Variants in CLSPN observed in about 807,000 individuals in gnomAD.
The protein encoded by CLSPN is claspin homolog.
Under a neutral mutation model 156.3 loss-of-function variants are expected in CLSPN, and 85 were observed. The ratio of observed to expected loss-of-function variants is 0.54; its 90% CI spans 0.46 to 0.65. The LOEUF is 0.65. CLSPN is among the 30% of genes least tolerant of loss of function. CLSPN has a pLI of 0.00. For synonymous variants in CLSPN, 534 were observed against 542.4 expected, an observed-to-expected ratio of 0.98 and a Z score of 0.22; for missense variants, 1,407 against 1,554.9, an observed-to-expected ratio of 0.90 and a Z score of 1.60.
rs1641422066 is a variant in CLSPN at position 35,735,149 on chromosome 1, A to G, written c.*1347T>C. On this transcript the variant is annotated 3_prime_UTR_variant, in exon 25 of 25. Coordinates refer to ENST00000318121, the MANE Select transcript of CLSPN (RefSeq NM_022111.4). ...GAGATCTTTGAACAACAGTGCTTCA[A>G]ATTGAGAATTCAGTCCCAGGAAGGG... 15 of 985,420 alleles carry G rather than the reference A, an allele frequency of 1.5e-5. No individual in the cohort carries two copies. Among genetic ancestry groups the G allele is most frequent in the Non-Finnish European group, 1.8e-5 (15 of 829,914 alleles). 61.0% of individuals were successfully genotyped at this position (985,420 alleles called of 1,614,324 possible).
rs1462280365 is a variant in CLSPN, at chr1:35,720,887, C to T, written c.*4G>A. 2.5e-6 allele frequency: 4 copies of T among 1,608,136 alleles called. No homozygotes were observed. The Admixed American group carries it at 6.7e-5, about 27-fold the overall frequency. The stretch of plus-strand genomic sequence containing the variant: ...GCCTCTCTTTGGACTCTGTCTCTCC[C>T]AGCTTAACCATGTGGGTCAAATGAA... On this transcript the variant is annotated 3_prime_UTR_variant, in exon 25 of 25. Coordinates refer to the CLSPN transcript ENST00000251195.
chr1:35,743,083 G>A, intron 18 of CLSPN, 58 bp downstream of exon 18: 3 of 1,330,452 alleles, frequency 2.3e-6, no homozygotes, highest in Non-Finnish European at 3.2e-6. Flanking sequence ...CACCATGCCT[G>A]GCCTAGTGAC....
Position 35,764,398 on chromosome 1 carries a change from ACT to A in CLSPN, c.448_449del (p.Ser150PhefsTer7). ...CTTTATCATGTATGTGCTTTTTGGA[ACT>A]CTTTCTGTCAGTGGTAAAGTCTGTA... ...NSTDFTTDRKSSKKHIHDKEG... is the reference protein window; with the variant it reads ...NSTDFTTDRKXSKKHIHDKEG... On this transcript the variant is annotated frameshift_variant, in exon 3 of 25. Transcript: ENST00000318121. LOFTEE classifies it high-confidence loss of function. 1 of 1,613,040 alleles carries A rather than the reference ACT, an allele frequency of 6.2e-7. No individual in the cohort carries two copies. The highest frequency in any genetic ancestry group is 8.5e-7 in the Non-Finnish European group (1 of 1,179,814).
At position 35,735,753 on chromosome 1, in the gene CLSPN, G is replaced by A; in HGVS notation, c.*743C>T. The A allele has an allele frequency of 1.0e-6, 1 of 984,838 alleles. No homozygotes were observed. Among genetic ancestry groups the A allele is most frequent in the Non-Finnish European group, 1.2e-6 (1 of 829,758 alleles). The allele number at this position is 984,838 out of a possible 1,614,324, so 61.0% of individuals were successfully genotyped here. A position where few individuals can be genotyped will look rare whatever the true frequency, so the allele number is the denominator to read the frequency against. ...CTTTCACCGAGCCCTGGTCATCATG[G>A]TACGTATCTCATGGGTGTAAAGGAG... On this transcript the variant is annotated 3_prime_UTR_variant, in exon 25 of 25. Coordinates refer to ENST00000318121, the MANE Select transcript of CLSPN (RefSeq NM_022111.4).
At position 35,764,566 on chromosome 1, in the gene CLSPN, A is replaced by C. The variant is rs746390150; in HGVS notation, c.282T>G (p.Ala94=). ...TCCTTTTGATTTTTGTATTTTTCCC[A>C]GCATATAAATTCTCTTTATTTTCCT... ...AEEENKENLY[A]GKNTKIKRIY... is the part of the protein sequence containing the mutation. Residue 94 remains alanine, a synonymous_variant, in exon 3 of 25, where the codon GCT becomes GCG. Transcript: ENST00000318121. The C allele has an allele frequency of 6.2e-7, 1 of 1,613,898 alleles. No homozygotes were observed. Among genetic ancestry groups the C allele is most frequent in the South Asian group, 1.1e-5 (1 of 91,066 alleles).
At chr1:35,741,102 T>C (rs1248551295) in intron 18 of CLSPN, among the ~76,000 whole-genome samples, 1 of 152,192 alleles carries the variant, frequency 6.6e-6, no homozygotes, top group Non-Finnish European at 1.5e-5. Context: ...CCTATTAGAA[T>C]TATCTTTATA....
intron 23 of CLSPN, 49 bp from the exon 24 acceptor site, chr1:35,737,124 G>C (rs1046539340): frequency 2.5e-6 from 4 of 1,575,734 alleles, no homozygotes; most frequent in Non-Finnish European, 3.5e-6. Flanking sequence ...GCCAACTAAA[G>C]AATGAAAAGT....
intron 9 of CLSPN, among the ~76,000 whole-genome samples, chr1:35,752,459 T>C (rs1642121662): frequency 6.6e-6 from 1 of 151,762 alleles, no homozygotes; most frequent in Non-Finnish European, 1.5e-5. Flanking sequence ...GCACCTGTAA[T>C]CCCAGCTATT....
Position 35,726,152 on chromosome 1 carries a change from C to CAAAAAAAAAAAAAAAAAAA in CLSPN, c.3910-5191_3910-5173dup, listed in dbSNP as rs3041363. On this transcript the variant is annotated intron_variant, in intron 24 of 24. Coordinates refer to the CLSPN transcript ENST00000251195. ...ACACACCCATAGAAACAGATGCAGA[C>CAAAAAAAAAAAAAAAAAAA]AAAAAAAAAAAAAAAAAAAAAAAGC... 6.4e-4 allele frequency among the ~76,000 whole-genome samples: 31 copies of CAAAAAAAAAAAAAAAAAAA among 48,204 alleles called. 10 individuals are homozygous for CAAAAAAAAAAAAAAAAAAA. The highest frequency in any genetic ancestry group is 2.2e-3 in the South Asian group (2 of 896). 31.6% of individuals were successfully genotyped at this position (48,204 alleles called of 152,430 possible).
intron 1 of CLSPN, among the ~76,000 whole-genome samples, chr1:35,765,768 G>T (rs1278898717): frequency 6.6e-6 from 1 of 152,030 alleles, no homozygotes; most frequent in Non-Finnish European, 1.5e-5. Flanking sequence ...CACCAAAAGA[G>T]AAACAACCAG....
chr1:35,745,225 T>C (rs576568496), intron 16 of CLSPN, among the ~76,000 whole-genome samples: 1 of 152,332 alleles, frequency 6.6e-6, no homozygotes, highest in African/African-American at 2.4e-5. Context: ...TGTCTCACTA[T>C]GGTTTTGATT....
chr1:35,764,274 T>G lies in CLSPN; in HGVS notation c.574A>C (p.Lys192Gln). 1 of 1,557,286 alleles carries G rather than the reference T, an allele frequency of 6.4e-7. No individual in the cohort carries two copies. Among genetic ancestry groups the G allele is most frequent in the Non-Finnish European group, 8.6e-7 (1 of 1,156,916 alleles). The change falls in exon 3 of 25, where the codon AAA (lysine) becomes CAA (glutamine). Residue 192 changes from lysine (K) to glutamine (Q), a missense_variant. Transcript: ENST00000318121. ...TATTCTTTAAAATGTACCTGGTTTT[T>G]TGTTTCCTTCTTTTTTAGCTGTCTA... ...KIRQLKKKETKNQEDDVEQPF... is the reference protein window; with the variant it reads ...KIRQLKKKETQNQEDDVEQPF...
At chr1:35,765,353 C>A in intron 1 of CLSPN, 27 bp from the exon 2 acceptor site, 1 of 1,515,474 alleles carries the variant, frequency 6.6e-7, no homozygotes, top group Non-Finnish European at 9.1e-7. Context: ...TACTTTATAT[C>A]AACCAGCAGG....
In CLSPN at chr1:35,746,997, G is replaced by T. The variant is rs367667377; in HGVS notation, c.2628-5C>A. 1.4e-5 allele frequency: 22 copies of T among 1,608,212 alleles called. No homozygotes were observed. Among genetic ancestry groups the T allele is most frequent in the African/African-American group, 2.7e-5 (2 of 74,760 alleles). On this transcript the variant is annotated splice_polypyrimidine_tract_variant and splice_region_variant and intron_variant, in intron 14 of 24. Coordinates refer to ENST00000318121, the MANE Select transcript of CLSPN (RefSeq NM_022111.4). This position sits in a 1 kb window ranked among gnomAD's most constrained non-coding sequence, Gnocchi z 4.2. ...TGGTTTCTAACATTTAAGAACCTAA[G>T]AACCAATGAGCACAACGAATAGTGT...
At chr1:35,753,511 T>G (rs910904308) in intron 9 of CLSPN, among the ~76,000 whole-genome samples, 1 of 150,326 alleles carries the variant, frequency 6.7e-6, no homozygotes, top group Non-Finnish European at 1.5e-5. Flanking sequence ...TATATATTTG[T>G]CTATAATGGG....
At chr1:35,740,180 A>G (rs1369357559) in intron 18 of CLSPN, among the ~76,000 whole-genome samples, 1 of 152,202 alleles carries the variant, frequency 6.6e-6, no homozygotes, top group African/African-American at 2.4e-5. Context: ...TAGAAAGGTA[A>G]TAAACTGGGA....
chr1:35,722,192 C>T (rs1005605016), intron 24 of CLSPN, among the ~76,000 whole-genome samples: 7 of 150,796 alleles, frequency 4.6e-5, no homozygotes, highest in African/African-American at 1.7e-4. Flanking sequence ...CTCTGCAGGG[C>T]AGCACCCCAG....
In CLSPN at chr1:35,736,321, T is replaced by G; in HGVS notation, c.*175A>C. On this transcript the variant is annotated 3_prime_UTR_variant, in exon 25 of 25. Coordinates refer to ENST00000318121, the MANE Select transcript of CLSPN (RefSeq NM_022111.4). ...CAGTGGCCAATTCAGGGAATAATAC[T>G]AGGAAAAGAGATGTCCAGAGCTGTG... 8.1e-7 allele frequency: 1 copy of G among 1,237,574 alleles called. No homozygotes were observed. The highest frequency in any genetic ancestry group is 1.0e-6 in the Non-Finnish European group (1 of 989,490). 76.7% of individuals were successfully genotyped at this position (1,237,574 alleles called of 1,614,324 possible).
At position 35,764,694 on chromosome 1, in the gene CLSPN, C is replaced by A. The variant is rs748798553; in HGVS notation, c.154G>T (p.Val52Leu). 1 of 1,577,454 alleles carries A rather than the reference C, an allele frequency of 6.3e-7. No homozygotes were observed. Among genetic ancestry groups the A allele is most frequent in the Middle Eastern group, 1.7e-4 (1 of 5,884 alleles). The change falls in exon 3 of 25, where the codon GTA becomes TTA. Residue 52 changes from valine to leucine, a missense_variant. Val to Leu is a conservative substitution (Grantham distance 32). Coordinates refer to ENST00000318121, the MANE Select transcript of CLSPN (RefSeq NM_022111.4). Reference sequence around the variant, plus strand: ...TTCCTGTTTTTCAACTTCTTACTTACAAATATCTCTTCATCTGAATCTGGA... The same window carrying A: ...TTCCTGTTTTTCAACTTCTTACTTAAAAATATCTCTTCATCTGAATCTGGA... ...SEGDSDEEIF[V>L]SKKLKNRKVL... is the part of the protein sequence containing the mutation.
Sources: gnomAD v4.1 joint callset for allele counts (sites outside exome capture counted in the v4.1 genomes callset) on GRCh38, gnomAD v4.1.1 for gene constraint, Gnocchi (gnomAD v3.1) non-coding constraint, MANE v1.5 for transcripts, NCBI Gene and HGNC (gene_info 2026-07-23, HGNC 2026-07-21) for gene names.